PCDH9: variants seen among roughly 807,000 people sequenced by gnomAD.
PCDH9 encodes protocadherin-9.
PCDH9 carries 24 observed loss-of-function variants against 70.6 expected under a neutral mutation model. The observed-to-expected ratio is 0.34, with a 90% CI of 0.25 to 0.48. PCDH9 has a LOEUF of 0.48. Ranked by LOEUF, PCDH9 falls within the 20% of genes least tolerant of loss-of-function variation. The probability of loss-of-function intolerance (pLI) is 0.99; values close to 1 mark genes in which losing one functional copy is unlikely to be tolerated. For missense variants in PCDH9, 1,281 were observed against 1,503.6 expected, an observed-to-expected ratio of 0.85 and a Z score of 2.45; for synonymous variants, 562 against 558.5, an observed-to-expected ratio of 1.01 and a Z score of -0.09.
intron 3 of PCDH9, among the ~76,000 whole-genome samples, chr13:66,684,651 C>G (rs1211948422): frequency 1.3e-5 from 2 of 152,050 alleles, no homozygotes; most frequent in East Asian, 3.9e-4. Flanking sequence ...TTCCTGAGGC[C>G]TCAGGAAACA....
chr13:66,913,491 T>A (rs963300600), intron 2 of PCDH9, among the ~76,000 whole-genome samples: 1 of 151,974 alleles, frequency 6.6e-6, no homozygotes, highest in African/African-American at 2.4e-5. Flanking sequence ...ACCCTGGAAA[T>A]GTACCACCGG....
intron 3 of PCDH9, among the ~76,000 whole-genome samples, chr13:66,682,827 T>A (rs2078346675): frequency 6.6e-6 from 1 of 152,138 alleles, no homozygotes; most frequent in Non-Finnish European, 1.5e-5. Context: ...AAGCTATTGG[T>A]GGCATTAGGA....
rs1955674280 is a variant in PCDH9, at chr13:66,317,447, T to G, written c.3341-12419A>C. On this transcript the variant is annotated intron_variant, in intron 4 of 4. Coordinates refer to ENST00000377865, the MANE Select transcript of PCDH9 (RefSeq NM_203487.3). ...AATAGCTGCATTCAGATCACTTATCTCCCAGCTATTTTGGAGTTAAAGGGA... is the reference window on the plus strand; with the variant it reads ...AATAGCTGCATTCAGATCACTTATCGCCCAGCTATTTTGGAGTTAAAGGGA... 2.6e-5 allele frequency among the ~76,000 whole-genome samples: 4 copies of G among 152,218 alleles called. No homozygotes were observed. In the South Asian group the frequency reaches 8.3e-4, roughly 31 times the overall value.
chr13:66,898,751 T>C (rs1229106596), intron 3 of PCDH9, among the ~76,000 whole-genome samples: 1 of 152,064 alleles, frequency 6.6e-6, no homozygotes, highest in Admixed American at 6.6e-5. Flanking sequence ...TGGCTTTATA[T>C]CTTTCCTATT....
intron 4 of PCDH9, among the ~76,000 whole-genome samples, chr13:66,486,866 G>A (rs1958952778): frequency 6.6e-6 from 1 of 152,132 alleles, no homozygotes; most frequent in South Asian, 2.1e-4. Flanking sequence ...GCCAGAAAAA[G>A]CTTGTAGTGT....
chr13:66,557,533 T>G (rs1265343033), intron 4 of PCDH9, among the ~76,000 whole-genome samples: 1 of 152,208 alleles, frequency 6.6e-6, no homozygotes, highest in African/African-American at 2.4e-5. Flanking sequence ...GAAATCATCA[T>G]GTACATAATT....
intron 4 of PCDH9, 116 bp downstream of exon 4, chr13:66,631,094 G>T: frequency 1.5e-6 from 1 of 650,464 alleles, no homozygotes. Flanking sequence ...CAACAATAAA[G>T]CCAGCAAAAA....
At chr13:66,324,292 A>G (rs529020240) in intron 4 of PCDH9, among the ~76,000 whole-genome samples, 5 of 152,088 alleles carry the variant, frequency 3.3e-5, no homozygotes, top group African/African-American at 1.2e-4. Context: ...TCACGAGACA[A>G]AAAAGGTAGA....
At chr13:66,836,217 A>G (rs2081014657) in intron 3 of PCDH9, among the ~76,000 whole-genome samples, 1 of 152,186 alleles carries the variant, frequency 6.6e-6, no homozygotes, top group South Asian at 2.1e-4. Context: ...AATTTCTCTT[A>G]TACTCTTGAC....
intron 3 of PCDH9, among the ~76,000 whole-genome samples, chr13:66,688,327 G>C (rs566566999): frequency 6.6e-6 from 1 of 152,130 alleles, no homozygotes; most frequent in Middle Eastern, 3.4e-3. Context: ...TAGAACTTGT[G>C]TCCTATTTAT....
At chr13:66,954,865 G>T (rs2083242781) in intron 2 of PCDH9, among the ~76,000 whole-genome samples, 1 of 152,174 alleles carries the variant, frequency 6.6e-6, no homozygotes, top group African/African-American at 2.4e-5. Flanking sequence ...CCAGGTTCAC[G>T]CCATTCTCCT....
At chr13:66,707,890 G>T (rs1593927399) in intron 3 of PCDH9, among the ~76,000 whole-genome samples, 1 of 152,080 alleles carries the variant, frequency 6.6e-6, no homozygotes, top group East Asian at 1.9e-4. Context: ...GCTCATCTTA[G>T]ATAAGTATTT....
intron 3 of PCDH9, among the ~76,000 whole-genome samples, chr13:66,796,359 T>G (rs926159545): frequency 6.6e-6 from 1 of 152,130 alleles, no homozygotes; most frequent in Non-Finnish European, 1.5e-5. Flanking sequence ...TGGAACAACA[T>G]GTCAAGGGGA....
chr13:66,453,273 A>C lies in PCDH9; in HGVS notation c.3341-148245T>G, dbSNP rs528786788. ...CTTTTCTTTGATCTCTAACTATCTA[A>C]AATTCTGCCTTAAAAATCTGACTCC... On this transcript the variant is annotated intron_variant, in intron 4 of 4. Transcript: ENST00000377865. Among the ~76,000 whole-genome samples, 4 of 152,206 alleles carry C rather than the reference A, an allele frequency of 2.6e-5. No individual in the cohort carries two copies. In the East Asian group the frequency reaches 7.8e-4, roughly 30 times the overall value.
intron 3 of PCDH9, among the ~76,000 whole-genome samples, chr13:66,651,286 A>G (rs1222833959): frequency 6.6e-6 from 1 of 151,974 alleles, no homozygotes; most frequent in African/African-American, 2.4e-5. Flanking sequence ...AAGAAAAGAG[A>G]GAAGACCCAA....
rs553142104 is a variant in PCDH9, at chr13:66,823,526, TAGAC to T, written c.3138+79974_3138+79977del. On this transcript the variant is annotated intron_variant, in intron 3 of 4. Coordinates refer to ENST00000377865, the MANE Select transcript of PCDH9 (RefSeq NM_203487.3). ...TATATCATGAACATGCAGGCAAAAA[TAGAC>T]AGAGTTTTAAAAGTAGACATTTCAC... Among the ~76,000 whole-genome samples, 16 of 152,100 alleles carry T rather than the reference TAGAC, an allele frequency of 1.1e-4. No homozygotes were observed. In the East Asian group the frequency reaches 1.9e-3, roughly 18 times the overall value.
intron 2 of PCDH9, among the ~76,000 whole-genome samples, chr13:66,980,801 G>C (rs1189836297): frequency 1.4e-5 from 2 of 140,820 alleles, no homozygotes; most frequent in Non-Finnish European, 3.0e-5. Flanking sequence ...CCCAGTAGGA[G>C]CTTATAAATA....
At chr13:66,383,276 T>G (rs532051860) in intron 4 of PCDH9, among the ~76,000 whole-genome samples, 3 of 152,186 alleles carry the variant, frequency 2.0e-5, no homozygotes, top group Non-Finnish European at 4.4e-5. Flanking sequence ...GAAGGGTCTT[T>G]TGACTCCTTC....
rs146330878 is a variant in PCDH9 at position 67,059,811 on chromosome 13, A to G, written c.3037-156206T>C. Among the ~76,000 whole-genome samples the G allele has an allele frequency of 4.0e-4, 61 of 152,114 alleles. 1 individual carries two copies. Among genetic ancestry groups the G allele is most frequent in the African/African-American group, 1.3e-3 (53 of 41,524 alleles). On this transcript the variant is annotated intron_variant, in intron 2 of 4. Coordinates refer to ENST00000377865, the MANE Select transcript of PCDH9 (RefSeq NM_203487.3). ...AGCTATCAGTTTCTCAGAGGTGTTT[A>G]CTGCCTTAACGGCATCCATAACAAC...
Sources: gnomAD v4.1 joint callset for allele counts (sites outside exome capture counted in the v4.1 genomes callset) on GRCh38, gnomAD v4.1.1 for gene constraint, MANE v1.5 for transcripts, NCBI Gene and HGNC (gene_info 2026-07-23, HGNC 2026-07-21) for gene names.